The following FSIP2 variants were observed in gnomAD, a reference collection of about 807,000 sequenced individuals.
The protein encoded by FSIP2 is fibrous sheath-interacting protein 2.
A neutral mutation model predicts 510.5 loss-of-function variants in FSIP2; 367 were observed. That is an observed-to-expected ratio of 0.72 (90% CI 0.66 to 0.78). FSIP2 has a LOEUF of 0.78. Among genes scored for constraint, FSIP2 ranks in the 30% least tolerant of loss-of-function variants. The pLI is 0.00. For synonymous variants in FSIP2, 2,601 were observed against 2,732.2 expected (o/e 0.95, Z 1.50); for missense variants, 7,594 against 7,901.7 (o/e 0.96, Z 1.48).
In FSIP2 at chr2:185,790,189, C is replaced by A; in HGVS notation, c.3053C>A (p.Ser1018Ter). 6.5e-7 allele frequency: 1 copy of A among 1,531,218 alleles called. No homozygotes were observed. The highest frequency in any genetic ancestry group is 8.7e-7 in the Non-Finnish European group (1 of 1,144,640). The allele number at this position is 1,531,218 out of a possible 1,614,324, so 94.9% of individuals were successfully genotyped here. A position where few individuals can be genotyped will look rare whatever the true frequency, so the allele number is the denominator to read the frequency against. ...AATATTGTAAAAAATGTGCTTGATT[C>A]AACTTTCAAAGATGAAAAAGTAAAA... Reference protein sequence around the residue: ...IDNIVKNVLDSTFKDEKVKSQ... With the variant: ...IDNIVKNVLD The change falls in exon 16 of 23, where the codon TCA becomes TAA. Residue 1018 changes from serine (S) to a stop codon, truncating the protein, a stop_gained. Transcript: ENST00000424728. LOFTEE classifies it high-confidence loss of function.
intron 17 of FSIP2, 36 bp downstream of exon 17, chr2:185,809,169 T>C (rs1346604020): frequency 1.3e-6 from 2 of 1,509,684 alleles, no homozygotes; most frequent in Non-Finnish European, 1.8e-6. Flanking sequence ...AATGAGTGAA[T>C]AGTGAGACAT....
intron 21 of FSIP2, among the ~76,000 whole-genome samples, chr2:185,828,647 T>C (rs572291330): frequency 3.6e-4 from 54 of 151,900 alleles, no homozygotes; most frequent in Middle Eastern, 6.8e-3. Flanking sequence ...CTAATTCTGT[T>C]TTTCTGTATT....
intron 8 of FSIP2, 23 bp from the exon 9 acceptor site, chr2:185,756,169 A>G (rs1386380544): frequency 2.1e-6 from 2 of 943,006 alleles, no homozygotes; most frequent in East Asian, 2.7e-5. Flanking sequence ...GTAAAAATAA[A>G]TGTTTTATTA....
rs369322115 is a variant in FSIP2, at chr2:185,805,662, C to A, written c.16356C>A (p.Thr5452=). 1.2e-6 allele frequency: 2 copies of A among 1,610,352 alleles called. No homozygotes were observed. The highest frequency in any genetic ancestry group is 2.2e-5 in the East Asian group (1 of 44,752). The change falls in exon 17 of 23, where the codon ACC becomes ACA. Residue 5452 remains threonine, a synonymous_variant. Transcript: ENST00000424728. ...AATCATATAAAGATACTTCTTCCAC[C>A]CCAGATTGCAAAAACATGATGAGCA... The part of the protein sequence containing the change: ...PDQSYKDTSS[T]PDCKNMMSTL...
At position 185,808,530 on chromosome 2, in the gene FSIP2, C is replaced by T. The variant is rs759497974; in HGVS notation, c.19224C>T (p.His6408=). 2.5e-6 allele frequency: 4 copies of T among 1,612,468 alleles called. No homozygotes were observed. The highest frequency in any genetic ancestry group is 3.4e-6 in the Non-Finnish European group (4 of 1,179,282). Reference sequence around the variant, plus strand: ...TAATAGCTTCTGATCCTGAAGAGCACTGTTTAAATCCAGAAAATACAGAAA... The same window carrying T: ...TAATAGCTTCTGATCCTGAAGAGCATTGTTTAAATCCAGAAAATACAGAAA... The part of the protein sequence containing the change: ...ISLIASDPEE[H]CLNPENTERI... Residue 6408 remains histidine (H), a synonymous_variant, in exon 17 of 23, where the codon CAC becomes CAT. Coordinates refer to ENST00000424728, the MANE Select transcript of FSIP2 (RefSeq NM_173651.4).
intron 13 of FSIP2, among the ~76,000 whole-genome samples, chr2:185,781,089 A>G (rs558810518): frequency 3.4e-4 from 50 of 148,638 alleles, no homozygotes; most frequent in Admixed American, 2.1e-3. Flanking sequence ...GACTAATTGA[A>G]GATGTAGCTC....
chr2:185,756,359 C>T (rs1692246730), intron 9 of FSIP2, 81 bp downstream of exon 9: 1 of 481,194 alleles, frequency 2.1e-6, no homozygotes, highest in Non-Finnish European at 3.6e-6. Context: ...ACTTTTTTCA[C>T]TTAAGTGCAG....
intron 8 of FSIP2, 84 bp from the exon 9 acceptor site, chr2:185,756,108 G>T: frequency 4.2e-6 from 2 of 481,574 alleles, no homozygotes; most frequent in South Asian, 8.7e-5. Context: ...AGCTCCTCTT[G>T]GGCATAAAAG....
rs749884989 is a variant in FSIP2, at chr2:185,759,629, TTAA to T, written c.1079-1353_1079-1351del. On this transcript the variant is annotated intron_variant, in intron 9 of 22. Coordinates refer to ENST00000424728, the MANE Select transcript of FSIP2 (RefSeq NM_173651.4). ...TATTAATATAATGGTCAGTATAATA[TTAA>T]TAATATTGTTATATATTATATATAT... 6.3e-4 allele frequency among the ~76,000 whole-genome samples: 92 copies of T among 146,136 alleles called. 1 individual carries two copies. Among genetic ancestry groups the T allele is most frequent in the African/African-American group, 2.2e-3 (89 of 40,612 alleles).
intron 7 of FSIP2, among the ~76,000 whole-genome samples, chr2:185,747,770 T>G (rs1271648017): frequency 6.6e-6 from 1 of 152,010 alleles, no homozygotes; most frequent in Non-Finnish European, 1.5e-5. Context: ...GCTTAACTTT[T>G]TATCTTTAAT....
At position 185,756,275 on chromosome 2, in the gene FSIP2, C is replaced by A. The variant is rs1028484911; in HGVS notation, c.1075C>A (p.His359Asn). 11 of 1,168,046 alleles carry A rather than the reference C, an allele frequency of 9.4e-6. No homozygotes were observed. The highest frequency in any genetic ancestry group is 1.2e-5 in the Non-Finnish European group (10 of 849,608). The allele number at this position is 1,168,046 out of a possible 1,614,324, so 72.4% of individuals were successfully genotyped here. ...AGDQNTYKET[H>N]GHTANAAHQR... ...AGACCAGAATACATATAAAGAAACA[C>A]ATGGTAATTGAATATTGTGACAAGA... The change falls in exon 9 of 23, where the codon CAT becomes AAT. Residue 359 changes from histidine to asparagine, a missense_variant. His to Asn is a moderately conservative substitution (Grantham distance 68, BLOSUM62 1). Coordinates refer to ENST00000424728, the MANE Select transcript of FSIP2 (RefSeq NM_173651.4).
At chr2:185,752,162 CT>C (rs1370738716) in intron 7 of FSIP2, among the ~76,000 whole-genome samples, 2 of 150,228 alleles carry the variant, frequency 1.3e-5, no homozygotes, top group Non-Finnish European at 3.0e-5. Flanking sequence ...TTTTTGAAAA[CT>C]TTTTTTTGAG....
In FSIP2 at chr2:185,807,831, TTA is replaced by T; in HGVS notation, c.18528_18529del (p.Tyr6176Ter). ...AACCTTCACATGCTGATAAGCTGTC[TTA>T]TAACATAATAGAAGAAATTGCTGTG... ...PKPSHADKLS[Y>X]NIIEEIAVKF... On this transcript the variant is annotated frameshift_variant, in exon 17 of 23. Transcript: ENST00000424728. LOFTEE classifies it high-confidence loss of function. 1 of 1,612,184 alleles carries T rather than the reference TTA, an allele frequency of 6.2e-7. No individual in the cohort carries two copies. The highest frequency in any genetic ancestry group is 8.5e-7 in the Non-Finnish European group (1 of 1,179,104).
Position 185,799,700 on chromosome 2 carries a change from T to C in FSIP2, c.10394T>C (p.Phe3465Ser). The C allele has an allele frequency of 7.8e-7, 1 of 1,278,064 alleles. No individual in the cohort carries two copies. Among genetic ancestry groups the C allele is most frequent in the Middle Eastern group, 2.0e-4 (1 of 5,114 alleles). The allele number at this position is 1,278,064 out of a possible 1,614,324, so 79.2% of individuals were successfully genotyped here. The part of the protein sequence containing the change: ...TYLKNFETTV[F>S]SEEKMSVSTW... ...TTACAATGTTTCCTTTTTTAAGTTT[T>C]TAGTGAGGAAAAGATGTCTGTTTCT... Residue 3465 changes from phenylalanine to serine, a missense_variant, in exon 17 of 23, where the codon TTT becomes TCT. Transcript: ENST00000424728.
At position 185,801,591 on chromosome 2, in the gene FSIP2, C is replaced by A. The variant is rs1264865554; in HGVS notation, c.12285C>A (p.Cys4095Ter). Reference protein sequence around the residue: ...LEILDYKLPSCFKEHLIPHSY... With the variant: ...LEILDYKLPS ...TTTTAGACTACAAACTGCCATCTTG[C>A]TTCAAGGAACATCTCATACCCCATT... The change falls in exon 17 of 23, where the codon TGC becomes TGA. Residue 4095 changes from cysteine (C) to a stop codon, truncating the protein, a stop_gained. Transcript: ENST00000424728. LOFTEE classifies it high-confidence loss of function. The A allele has an allele frequency of 3.9e-6, 6 of 1,533,936 alleles. No homozygotes were observed. In the South Asian group the frequency reaches 7.1e-5, roughly 18 times the overall value.
Position 185,790,454 on chromosome 2 carries a change from A to G in FSIP2, c.3318A>G (p.Ser1106=). ...QDQKHQIEKA[S]ENIVTSILKE... is the part of the protein sequence containing the mutation. ...AAAAGCATCAAATAGAAAAGGCTTC[A>G]GAAAACATAGTCACAAGTATTTTAA... The change falls in exon 16 of 23, where the codon TCA becomes TCG. Residue 1106 remains serine (S), a synonymous_variant. Coordinates refer to ENST00000424728, the MANE Select transcript of FSIP2 (RefSeq NM_173651.4). 1 of 1,533,928 alleles carries G rather than the reference A, an allele frequency of 6.5e-7. No individual in the cohort carries two copies. The highest frequency in any genetic ancestry group is 8.7e-7 in the Non-Finnish European group (1 of 1,145,510).
intron 15 of FSIP2, among the ~76,000 whole-genome samples, chr2:185,787,286 A>G (rs1458293829): frequency 6.6e-6 from 1 of 151,878 alleles, no homozygotes; most frequent in African/African-American, 2.4e-5. Flanking sequence ...TGCTTATACA[A>G]TAAGTTAAAA....
chr2:185,777,348 GAAT>G (rs532935451), intron 13 of FSIP2, among the ~76,000 whole-genome samples: 11 of 148,238 alleles, frequency 7.4e-5, no homozygotes, highest in Non-Finnish European at 1.6e-4. Context: ...TATCTTCTGC[GAAT>G]AATAAAATTT....
chr2:185,796,889 T>C lies in FSIP2; in HGVS notation c.9753T>C (p.Phe3251=). The C allele has an allele frequency of 6.5e-7, 1 of 1,535,038 alleles. No individual in the cohort carries two copies. The highest frequency in any genetic ancestry group is 1.4e-5 in the African/African-American group (1 of 73,044). The change falls in exon 16 of 23, where the codon TTT becomes TTC. Residue 3251 remains phenylalanine, a synonymous_variant. Coordinates refer to ENST00000424728, the MANE Select transcript of FSIP2 (RefSeq NM_173651.4). ...ACCACAGACCAAGGGAATCTAACTT[T>C]GGTAGTTTTGATCAGACCATGAAAG... ...VQDHRPRESN[F]GSFDQTMKGN... is the part of the protein sequence containing the mutation.
Sources: gnomAD v4.1 joint callset for allele counts (sites outside exome capture counted in the v4.1 genomes callset) on GRCh38, gnomAD v4.1.1 for gene constraint, MANE v1.5 for transcripts, NCBI Gene and HGNC (gene_info 2026-07-23, HGNC 2026-07-21) for gene names.